The following COTL1 variants were observed in gnomAD, a reference collection of about 807,000 sequenced individuals.
COTL1 encodes the protein coactosin-like protein.
Under a neutral mutation model 16.5 loss-of-function variants are expected in COTL1, and 15 were observed. The observed-to-expected ratio is 0.91, with a 90% CI of 0.61 to 1.40. COTL1 has a LOEUF of 1.40. Ranked by LOEUF, COTL1 falls within the 40% of genes most tolerant of loss-of-function variation. COTL1 has a pLI of 0.00. For synonymous variants in COTL1, 112 were observed against 85.3 expected, an observed-to-expected ratio of 1.31 and a Z score of -1.73; for missense variants, 220 against 201.5, an observed-to-expected ratio of 1.09 and a Z score of -0.56.
chr16:84,581,978 C>CTTTTTTTTTT (rs11332563), intron 3 of COTL1, among the ~76,000 whole-genome samples: 1 of 66,034 alleles, frequency 1.5e-5, no homozygotes, highest in Non-Finnish European at 3.2e-5. Context: ...TACATTTCTT[C>CTTTTTTTTTT]TTTTTTTTTT....
At chr16:84,577,285 C>T (rs1211921586) in intron 3 of COTL1, among the ~76,000 whole-genome samples, 2 of 152,208 alleles carry the variant, frequency 1.3e-5, no homozygotes, top group Non-Finnish European at 2.9e-5. Flanking sequence ...TGCTCCACTG[C>T]CCAGTCTGGA....
intron 2 of COTL1, among the ~76,000 whole-genome samples, chr16:84,610,069 T>A (rs1249434771): frequency 6.6e-6 from 1 of 152,122 alleles, no homozygotes; most frequent in African/African-American, 2.4e-5. Context: ...CCCTCAAACA[T>A]CTGAAGACAA....
Position 84,618,026 on chromosome 16 carries a change from T to C in COTL1, c.-112A>G, listed in dbSNP as rs959891765. On this transcript the variant is annotated 5_prime_UTR_variant, in exon 1 of 4. Coordinates refer to ENST00000262428, the MANE Select transcript of COTL1 (RefSeq NM_021149.5). ...CCGAGGGCGCACGGGCTGGCGGCGG[T>C]GGCGACGGCTACGCGGCGCCTGCAA... is the stretch of plus-strand genomic sequence containing the variant. 1,249 of 517,760 alleles carry C rather than the reference T, an allele frequency of 2.4e-3. 14 individuals carry two copies. The African/African-American group carries it at 0.024, about 10-fold the overall frequency. 32.1% of individuals were successfully genotyped at this position (517,760 alleles called of 1,614,324 possible).
At chr16:84,597,942 T>G (rs1042493357) in intron 2 of COTL1, among the ~76,000 whole-genome samples, 1 of 152,166 alleles carries the variant, frequency 6.6e-6, no homozygotes, top group Non-Finnish European at 1.5e-5. Context: ...AGGAGGCCTT[T>G]CTGCCTGTGC....
chr16:84,567,049 G>C, intron 3 of COTL1, 94 bp from the exon 4 acceptor site: 1 of 823,158 alleles, frequency 1.2e-6, no homozygotes, highest in African/African-American at 1.7e-5. Flanking sequence ...GCAAAGCACT[G>C]AAAACCCTGA....
chr16:84,612,736 G>A lies in COTL1; in HGVS notation c.160+4765C>T, dbSNP rs1292777243. Among the ~76,000 whole-genome samples the A allele has an allele frequency of 2.6e-5, 4 of 152,236 alleles. No homozygotes were observed. In the East Asian group the frequency reaches 7.7e-4, roughly 29 times the overall value. On this transcript the variant is annotated intron_variant, in intron 2 of 3. Coordinates refer to ENST00000262428, the MANE Select transcript of COTL1 (RefSeq NM_021149.5). ...AGGCAGAGGCTGCACTCCAGCCTGGGCGACAGAGAAAAACTTTGTCTCAAA... is the reference window on the plus strand; with the variant it reads ...AGGCAGAGGCTGCACTCCAGCCTGGACGACAGAGAAAAACTTTGTCTCAAA...
intron 3 of COTL1, among the ~76,000 whole-genome samples, chr16:84,581,382 A>C (rs16974202): frequency 0.3 from 45,599 of 152,042 alleles, 8,664 homozygotes; most frequent in African/African-American, 0.54. Flanking sequence ...GATGGTCCGC[A>C]GAGTGCTAAG....
intron 2 of COTL1, among the ~76,000 whole-genome samples, chr16:84,609,385 AAGGCCAGTC>A: frequency 6.6e-6 from 1 of 152,288 alleles, no homozygotes; most frequent in Non-Finnish European, 1.5e-5. Flanking sequence ...GGCCTGCACT[AAGGCCAGTC>A]AGTCTTCCTG....
At chr16:84,588,293 ACCGAGTTT>A (rs1904781430) in intron 3 of COTL1, among the ~76,000 whole-genome samples, 1 of 152,146 alleles carries the variant, frequency 6.6e-6, no homozygotes, top group Non-Finnish European at 1.5e-5. Context: ...AAGAGGTAGC[ACCGAGTTT>A]CCATATTACC....
chr16:84,602,208 T>TGG (rs35678493), intron 2 of COTL1, among the ~76,000 whole-genome samples: 5 of 146,016 alleles, frequency 3.4e-5, no homozygotes, highest in African/African-American at 1.3e-4. Context: ...TCAATGGGGG[T>TGG]GGGGGGGGTG....
chr16:84,570,134 G>T (rs1904317996), intron 3 of COTL1, among the ~76,000 whole-genome samples: 1 of 152,160 alleles, frequency 6.6e-6, no homozygotes, highest in Non-Finnish European at 1.5e-5. Flanking sequence ...AAATCAGCTG[G>T]GTGTAGTGGC....
intron 2 of COTL1, among the ~76,000 whole-genome samples, chr16:84,591,491 T>A (rs1597176358): frequency 6.6e-6 from 1 of 151,502 alleles, no homozygotes; most frequent in East Asian, 1.9e-4. Context: ...GCCTGATTTT[T>A]TGAATTTTTA....
intron 3 of COTL1, among the ~76,000 whole-genome samples, chr16:84,582,919 C>A (rs1325021800): frequency 1.3e-5 from 2 of 152,204 alleles, no homozygotes; most frequent in African/African-American, 4.8e-5. Flanking sequence ...CACAGCAGCA[C>A]TTTTTTAAAG....
intron 2 of COTL1, chr16:84,596,523 G>T (rs111626320): frequency 1.3e-5 from 2 of 152,258 alleles, no homozygotes; most frequent in Non-Finnish European, 2.9e-5. Flanking sequence ...GCCCTCAGGG[G>T]TCCACAGGGG....
chr16:84,598,066 G>T lies in COTL1; in HGVS notation c.161-7804C>A, dbSNP rs112142250. On this transcript the variant is annotated intron_variant, in intron 2 of 3. Coordinates refer to ENST00000262428, the MANE Select transcript of COTL1 (RefSeq NM_021149.5). The stretch of plus-strand genomic sequence containing the variant: ...CACTGAGGATACAGCAAGGTCAGGA[G>T]CCCCATCCTGAGGACGGTGGTTTCC... Among the ~76,000 whole-genome samples the T allele has an allele frequency of 3.5e-3, 529 of 152,310 alleles. 1 individual carries two copies. Among genetic ancestry groups the T allele is most frequent in the Non-Finnish European group, 5.5e-3 (371 of 68,006 alleles).
At chr16:84,616,164 G>C (rs1353338618) in intron 2 of COTL1, 1 of 152,212 alleles carries the variant, frequency 6.6e-6, no homozygotes, top group South Asian at 2.1e-4. Context: ...TAAGGAACTC[G>C]TTCCAAACCA....
At chr16:84,611,861 AT>A (rs1455248051) in intron 2 of COTL1, among the ~76,000 whole-genome samples, 2 of 152,198 alleles carry the variant, frequency 1.3e-5, no homozygotes, top group Non-Finnish European at 2.9e-5. Context: ...CTCGCCACAC[AT>A]ACGTGATCTG....
In COTL1 at chr16:84,587,170, G is replaced by T. The variant is rs1348513508; in HGVS notation, c.318+2935C>A. Among the ~76,000 whole-genome samples, 4 of 152,140 alleles carry T rather than the reference G, an allele frequency of 2.6e-5. No homozygotes were observed. In the East Asian group the frequency reaches 7.7e-4, roughly 29 times the overall value. On this transcript the variant is annotated intron_variant, in intron 3 of 3. Transcript: ENST00000262428. ...TGGCCTGGAGAAAAACAGCCTGTAG[G>T]GTTGAATAAGTGGTTTTCCAAAACA...
chr16:84,604,814 C>A (rs1905179856), intron 2 of COTL1, among the ~76,000 whole-genome samples: 2 of 152,232 alleles, frequency 1.3e-5, no homozygotes, highest in African/African-American at 4.8e-5. Flanking sequence ...TCCAGCTGAC[C>A]CCTGGCCCGC....
Sources: gnomAD v4.1 joint callset for allele counts (sites outside exome capture counted in the v4.1 genomes callset) on GRCh38, gnomAD v4.1.1 for gene constraint, MANE v1.5 for transcripts, NCBI Gene and HGNC (gene_info 2026-07-23, HGNC 2026-07-21) for gene names.